Variants in NDC80 observed in about 807,000 individuals in gnomAD.
NDC80 encodes NDC80 kinetochore complex component.
A neutral mutation model predicts 89.3 loss-of-function variants in NDC80; 69 were observed. That is an observed-to-expected ratio of 0.77 (90% CI 0.64 to 0.94). NDC80 has a LOEUF of 0.94. Among genes scored for constraint, NDC80 ranks in the 40% least tolerant of loss-of-function variants. The pLI is 0.00. For missense variants in NDC80, 593 were observed against 739.6 expected (o/e 0.80, Z 2.30); for synonymous variants, 243 against 255.6 (o/e 0.95, Z 0.47).
At chr18:2,616,122 C>A (rs953821252) in intron 16 of NDC80, among the ~76,000 whole-genome samples, 5 of 152,096 alleles carry the variant, frequency 3.3e-5, no homozygotes, top group African/African-American at 7.2e-5. Context: ...ACTTCCCAGC[C>A]TCAGGTGATC....
chr18:2,612,656 A>G (rs2072751824), intron 16 of NDC80, among the ~76,000 whole-genome samples: 1 of 152,084 alleles, frequency 6.6e-6, no homozygotes, highest in Non-Finnish European at 1.5e-5. Context: ...ATCACTAGGG[A>G]TTTGTGTGAA....
At chr18:2,614,420 A>G (rs2143675402) in intron 16 of NDC80, 1 of 204,208 alleles carries the variant, frequency 4.9e-6, no homozygotes, top group East Asian at 1.7e-4. Context: ...CTGGCTACAG[A>G]GCAAGATGCT....
Position 2,573,054 on chromosome 18 carries a change from T to G in NDC80, c.69T>G (p.Asp23Glu), listed in dbSNP as rs1287222165. ...RLSMQELRSQ[D>E]VNKQGLYTPQ... is the part of the protein sequence containing the mutation. Reference sequence around the variant, plus strand: ...CCATGCAGGAGTTAAGATCCCAGGATGTAAATAAACAAGGCCTCTATACCC... The same window carrying G: ...CCATGCAGGAGTTAAGATCCCAGGAGGTAAATAAACAAGGCCTCTATACCC... The change falls in exon 2 of 17, where the codon GAT (aspartate) becomes GAG (glutamate). Residue 23 changes from aspartate to glutamate, a missense_variant. Coordinates refer to ENST00000261597, the MANE Select transcript of NDC80 (RefSeq NM_006101.3). 6.2e-7 allele frequency: 1 copy of G among 1,614,120 alleles called. No homozygotes were observed.
intron 10 of NDC80, among the ~76,000 whole-genome samples, chr18:2,593,013 GGTGTGT>G (rs56851912): frequency 3.1e-3 from 338 of 108,404 alleles, no homozygotes; most frequent in East Asian, 6.0e-3. Flanking sequence ...AATAAACTCT[GGTGTGT>G]GTGTGTGTGT....
At chr18:2,587,225 A>G (rs550622420) in intron 7 of NDC80, among the ~76,000 whole-genome samples, 115 of 152,336 alleles carry the variant, frequency 7.5e-4, no homozygotes, top group African/African-American at 2.5e-3. Context: ...CTTCTCATAA[A>G]GTCTACATTC....
chr18:2,607,818 T>A (rs2072720180), intron 14 of NDC80, among the ~76,000 whole-genome samples: 2 of 151,132 alleles, frequency 1.3e-5, no homozygotes, highest in South Asian at 4.2e-4. Context: ...CTTCCAGATA[T>A]ACAAACATAT....
intron 11 of NDC80, among the ~76,000 whole-genome samples, chr18:2,596,291 A>G (rs1273235624): frequency 6.6e-6 from 1 of 152,182 alleles, no homozygotes; most frequent in Non-Finnish European, 1.5e-5. Context: ...CAAAGGGCTA[A>G]TATCCAGAAT....
intron 15 of NDC80, among the ~76,000 whole-genome samples, chr18:2,610,086 C>A (rs1166068761): frequency 6.6e-6 from 1 of 152,162 alleles, no homozygotes; most frequent in Non-Finnish European, 1.5e-5. Context: ...TTTAGCCACA[C>A]TATATAATAA....
At chr18:2,591,209 G>A (rs2072625989) in intron 10 of NDC80, among the ~76,000 whole-genome samples, 1 of 152,180 alleles carries the variant, frequency 6.6e-6, no homozygotes, top group Non-Finnish European at 1.5e-5. Context: ...GCTCTTTTAT[G>A]TCTTATGTCT....
chr18:2,575,592 C>A (rs2072542268), intron 3 of NDC80, among the ~76,000 whole-genome samples: 1 of 152,034 alleles, frequency 6.6e-6, no homozygotes, highest in African/African-American at 2.4e-5. Context: ...GGCAACATTG[C>A]AAGACCCTGT....
intron 9 of NDC80, 107 bp from the exon 10 acceptor site, chr18:2,589,911 C>G: frequency 1.3e-6 from 1 of 768,370 alleles, no homozygotes; most frequent in Non-Finnish European, 1.8e-6. Context: ...AAGGAAAACT[C>G]AAATCTACCT....
In NDC80 at chr18:2,606,438, C is replaced by CA. The variant is rs780292563; in HGVS notation, c.1490dup (p.Arg498GlufsTer15). 2 of 1,602,162 alleles carry CA rather than the reference C, an allele frequency of 1.2e-6. No individual in the cohort carries two copies. The highest frequency in any genetic ancestry group is 1.7e-6 in the Non-Finnish European group (2 of 1,173,964). On this transcript the variant is annotated frameshift_variant, in exon 14 of 17. Coordinates refer to ENST00000261597, the MANE Select transcript of NDC80 (RefSeq NM_006101.3). LOFTEE classifies it high-confidence loss of function. The stretch of plus-strand genomic sequence containing the variant: ...AGTTGAATGCAATGATAACAGAAAG[C>CA]AAGAGAAGTGTGAGAACTCTGAAAG...
At chr18:2,580,907 A>T (rs1284662145) in intron 6 of NDC80, among the ~76,000 whole-genome samples, 7 of 151,296 alleles carry the variant, frequency 4.6e-5, no homozygotes, top group African/African-American at 1.7e-4. Context: ...CATCCGGCTA[A>T]TTTTTTGTAT....
At chr18:2,614,944 G>A (rs1421965241) in intron 16 of NDC80, 2 of 152,236 alleles carry the variant, frequency 1.3e-5, no homozygotes, top group African/African-American at 4.8e-5. Context: ...TGAAGATCGT[G>A]TGCGGACAGA....
chr18:2,615,673 G>A (rs960792490), intron 16 of NDC80, among the ~76,000 whole-genome samples: 1 of 152,078 alleles, frequency 6.6e-6, no homozygotes, highest in Admixed American at 6.6e-5. Context: ...ACTATACCTG[G>A]GAACAAACAA....
rs2072650934 is a variant in NDC80 at position 2,595,629 on chromosome 18, A to G, written c.1221+8A>G. On this transcript the variant is annotated splice_region_variant and intron_variant, in intron 11 of 16. Coordinates refer to ENST00000261597, the MANE Select transcript of NDC80 (RefSeq NM_006101.3). ...GCCAGAGGCAAAGAAGCGGTATGTC[A>G]TACCATTTCCAGAGTGGCAACTCAT... 1.2e-6 allele frequency: 2 copies of G among 1,611,332 alleles called. No homozygotes were observed. The highest frequency in any genetic ancestry group is 1.3e-5 in the African/African-American group (1 of 74,958).
chr18:2,611,126 G>A (rs1367880112), intron 16 of NDC80, among the ~76,000 whole-genome samples: 2 of 139,930 alleles, frequency 1.4e-5, no homozygotes, highest in East Asian at 4.2e-4. Context: ...TCAACTCACT[G>A]CAACCTCCAC....
At chr18:2,612,276 CTTTTTTTTTTTTTTTTTTTTTTT>C (rs55648444) in intron 16 of NDC80, among the ~76,000 whole-genome samples, 2 of 60,398 alleles carry the variant, frequency 3.3e-5, no homozygotes, top group Admixed American at 5.4e-4. Context: ...TCTTTTCTTT[CTTTTTTTTTTTTTTTTTTTTTTT>C]TTTTTTTTTT....
intron 6 of NDC80, among the ~76,000 whole-genome samples, chr18:2,581,807 A>G (rs536054098): frequency 6.6e-6 from 1 of 152,170 alleles, no homozygotes; most frequent in Non-Finnish European, 1.5e-5. Context: ...GAAGATGAAC[A>G]TTCTTACTTC....
Sources: gnomAD v4.1 joint callset for allele counts (sites outside exome capture counted in the v4.1 genomes callset) on GRCh38, gnomAD v4.1.1 for gene constraint, MANE v1.5 for transcripts, NCBI Gene and HGNC (gene_info 2026-07-23, HGNC 2026-07-21) for gene names.